Variants in EYS observed in about 807,000 individuals in gnomAD.
The protein encoded by EYS is protein eyes shut homolog.
EYS carries 250 observed loss-of-function variants against 282.1 expected under a neutral mutation model. The ratio of observed to expected loss-of-function variants is 0.89; its 90% CI spans 0.80 to 0.98. The LOEUF is 0.98. Ranked by LOEUF, EYS falls within the 50% of genes least tolerant of loss-of-function variation. The probability of loss-of-function intolerance (pLI) is 0.00; values close to 1 mark genes in which losing one functional copy is unlikely to be tolerated. For missense variants in EYS, 4,016 were observed against 3,709.0 expected, an observed-to-expected ratio of 1.08 and a Z score of -2.15; for synonymous variants, 1,355 against 1,282.9, an observed-to-expected ratio of 1.06 and a Z score of -1.20.
chr6:63,793,155 T>C (rs994379154), intron 37 of EYS, among the ~76,000 whole-genome samples: 2 of 152,188 alleles, frequency 1.3e-5, no homozygotes, highest in African/African-American at 4.8e-5. Flanking sequence ...CTAAGAAACA[T>C]GAATCATCAA....
intron 5 of EYS, among the ~76,000 whole-genome samples, chr6:65,439,146 T>C (rs1176836876): frequency 2.0e-5 from 3 of 152,208 alleles, no homozygotes; most frequent in Non-Finnish European, 4.4e-5. Flanking sequence ...GTCAGGTTTG[T>C]CAAATTCAGA....
chr6:64,962,534 A>G (rs1769955938), intron 14 of EYS, among the ~76,000 whole-genome samples: 1 of 151,788 alleles, frequency 6.6e-6, no homozygotes, highest in Non-Finnish European at 1.5e-5. Flanking sequence ...GTCCGAGACC[A>G]GTCTGGGCAA....
chr6:64,370,580 G>C (rs944456313), intron 29 of EYS, among the ~76,000 whole-genome samples: 32 of 152,066 alleles, frequency 2.1e-4, no homozygotes, highest in African/African-American at 7.7e-4. Context: ...TTTCAGAATA[G>C]TTTCAGTATT....
chr6:65,583,926 A>G (rs1764952491), intron 2 of EYS, among the ~76,000 whole-genome samples: 1 of 151,826 alleles, frequency 6.6e-6, no homozygotes, highest in Non-Finnish European at 1.5e-5. Context: ...TACTTAATGT[A>G]TCTTATGACC....
intron 5 of EYS, among the ~76,000 whole-genome samples, chr6:65,423,783 C>T (rs1767555660): frequency 6.6e-6 from 1 of 151,958 alleles, no homozygotes; most frequent in Non-Finnish European, 1.5e-5. Flanking sequence ...TCTATTCTTT[C>T]ATAATATTTT....
chr6:64,553,118 A>G (rs767752573), intron 26 of EYS, among the ~76,000 whole-genome samples: 3 of 152,092 alleles, frequency 2.0e-5, no homozygotes, highest in Non-Finnish European at 4.4e-5. Context: ...CCTTGGGCAC[A>G]TGTTCTCAGG....
At chr6:64,130,418 A>AT (rs1256212220) in intron 31 of EYS, among the ~76,000 whole-genome samples, 1 of 152,144 alleles carries the variant, frequency 6.6e-6, no homozygotes, top group Non-Finnish European at 1.5e-5. Context: ...CTCATAGGTG[A>AT]GAATTGAACA....
At chr6:63,866,751 A>G (rs1047928282) in intron 35 of EYS, among the ~76,000 whole-genome samples, 1 of 152,212 alleles carries the variant, frequency 6.6e-6, no homozygotes, top group East Asian at 1.9e-4. Context: ...GAAGCTCACC[A>G]TATCTAACCA....
At chr6:64,240,651 G>A (rs1344677384) in intron 30 of EYS, among the ~76,000 whole-genome samples, 1 of 152,122 alleles carries the variant, frequency 6.6e-6, no homozygotes, top group Admixed American at 6.6e-5. Context: ...GAAATTTGGG[G>A]CTGAGACGAT....
At chr6:65,275,282 C>T (rs1033195035) in intron 12 of EYS, among the ~76,000 whole-genome samples, 2 of 152,158 alleles carry the variant, frequency 1.3e-5, no homozygotes, top group East Asian at 1.9e-4. Flanking sequence ...GGACCTTAGT[C>T]GGAACTGAAT....
chr6:64,815,626 T>G (rs1007787230), intron 21 of EYS, among the ~76,000 whole-genome samples: 5 of 152,072 alleles, frequency 3.3e-5, no homozygotes, highest in Non-Finnish European at 5.9e-5. Context: ...TCATTTATAT[T>G]GCTTTGCTAT....
chr6:65,324,559 A>G (rs1157009817), intron 11 of EYS, among the ~76,000 whole-genome samples: 1 of 152,208 alleles, frequency 6.6e-6, no homozygotes, highest in Non-Finnish European at 1.5e-5. Context: ...AGTCAAAGCC[A>G]GAGTCCTTCC....
chr6:65,624,328 T>C (rs1402204931), intron 2 of EYS, among the ~76,000 whole-genome samples: 2 of 152,162 alleles, frequency 1.3e-5, no homozygotes, highest in Non-Finnish European at 2.9e-5. Context: ...CACCTATGAA[T>C]ATGTCAGCTT....
chr6:64,007,181 A>T (rs928426457), intron 33 of EYS, among the ~76,000 whole-genome samples: 6 of 152,092 alleles, frequency 3.9e-5, no homozygotes, highest in African/African-American at 1.4e-4. Flanking sequence ...GAAACACATT[A>T]TTGGTCTGTT....
intron 13 of EYS, among the ~76,000 whole-genome samples, chr6:65,049,713 A>T (rs886242859): frequency 6.6e-6 from 1 of 151,746 alleles, no homozygotes; most frequent in Non-Finnish European, 1.5e-5. Context: ...TTTTAACTTA[A>T]TTATAATTTT....
chr6:64,154,641 T>G (rs1023686829), intron 31 of EYS, among the ~76,000 whole-genome samples: 5 of 152,142 alleles, frequency 3.3e-5, no homozygotes, highest in African/African-American at 1.2e-4. Flanking sequence ...TATGTGCTCT[T>G]TATCAGAAAA....
At chr6:65,064,225 GTATGATATATATATGATATA>G (rs1773666690) in intron 12 of EYS, among the ~76,000 whole-genome samples, 1 of 137,828 alleles carries the variant, frequency 7.3e-6, no homozygotes, top group African/African-American at 2.7e-5. Flanking sequence ...TATTATATAT[GTATGATATATATATGATATA>G]TATGATATAT....
chr6:63,829,918 C>A (rs1037663173), intron 36 of EYS, among the ~76,000 whole-genome samples: 10 of 152,230 alleles, frequency 6.6e-5, no homozygotes, highest in African/African-American at 2.4e-4. Flanking sequence ...ATTTGCTGTT[C>A]TGCAGCCTCT....
chr6:64,589,486 G>A (rs1168872996), intron 26 of EYS, among the ~76,000 whole-genome samples: 1 of 151,916 alleles, frequency 6.6e-6, no homozygotes, highest in African/African-American at 2.4e-5. Flanking sequence ...TATCTTTCTG[G>A]TAAACACAAT....
Sources: allele counts gnomAD v4.1 joint callset (sites outside exome capture counted in the v4.1 genomes callset), GRCh38; gene constraint gnomAD v4.1.1; transcripts MANE v1.5; gene names NCBI Gene and HGNC (gene_info 2026-07-23, HGNC 2026-07-21).